Variants in SMYD3 observed in about 807,000 individuals in gnomAD.
SMYD3 encodes the protein histone-lysine N-methyltransferase SMYD3.
Under a neutral mutation model 57.7 loss-of-function variants are expected in SMYD3, and 36 were observed. That is an observed-to-expected ratio of 0.62 (90% CI 0.48 to 0.82). The LOEUF (loss-of-function observed/expected upper bound fraction) is 0.82, where lower values mean the gene tolerates loss of function less well. SMYD3 is among the 40% of genes least tolerant of loss of function. The pLI, the probability that SMYD3 is intolerant of heterozygous loss-of-function variation, is 0.00. For missense variants in SMYD3, 515 were observed against 538.8 expected (o/e 0.96, Z 0.44); for synonymous variants, 211 against 195.0 (o/e 1.08, Z -0.68).
intron 10 of SMYD3, among the ~76,000 whole-genome samples, chr1:245,812,036 G>A (rs1237475540): frequency 6.6e-6 from 1 of 152,146 alleles, no homozygotes; most frequent in Admixed American, 6.5e-5. Context: ...TCCATTTTCA[G>A]GGATATGGAA....
intron 5 of SMYD3, among the ~76,000 whole-genome samples, chr1:246,031,059 G>A (rs930585965): frequency 6.6e-6 from 1 of 152,078 alleles, no homozygotes; most frequent in Non-Finnish European, 1.5e-5. Context: ...CTTATTCCCA[G>A]ACAAACTTAG....
intron 8 of SMYD3, among the ~76,000 whole-genome samples, chr1:245,873,385 C>G (rs1032001291): frequency 1.3e-5 from 2 of 152,216 alleles, no homozygotes; most frequent in African/African-American, 4.8e-5. Context: ...ATACTCACAA[C>G]TCCTACCCAA....
intron 2 of SMYD3, among the ~76,000 whole-genome samples, chr1:246,348,001 T>C (rs568946044): frequency 6.8e-6 from 1 of 147,474 alleles, no homozygotes; most frequent in South Asian, 2.1e-4. Flanking sequence ...CTGTTCACAA[T>C]AGCAAAGACA....
At chr1:246,400,693 C>T (rs552855541) in intron 1 of SMYD3, among the ~76,000 whole-genome samples, 3 of 152,188 alleles carry the variant, frequency 2.0e-5, no homozygotes, top group Non-Finnish European at 4.4e-5. Flanking sequence ...TTGCCCCTTT[C>T]AGGCTACTGT....
At chr1:246,106,504 C>G (rs1428175188) in intron 5 of SMYD3, among the ~76,000 whole-genome samples, 1 of 152,180 alleles carries the variant, frequency 6.6e-6, no homozygotes, top group African/African-American at 2.4e-5. Flanking sequence ...TATCTGCCAA[C>G]TGAACAAATG....
chr1:246,166,020 T>C (rs1036374441), intron 5 of SMYD3, among the ~76,000 whole-genome samples: 3 of 151,984 alleles, frequency 2.0e-5, no homozygotes, highest in African/African-American at 7.3e-5. Flanking sequence ...ACAAGGGTCA[T>C]CCTCGGTGAC....
In SMYD3 at chr1:245,876,782, C is replaced by T. The variant is rs114254430; in HGVS notation, c.814-12896G>A. Reference sequence around the variant, plus strand: ...CTTACATTCCAGTGGTTGAAACGGCCAAACAAATGTATCATTTCTAAATAC... The same window carrying T: ...CTTACATTCCAGTGGTTGAAACGGCTAAACAAATGTATCATTTCTAAATAC... On this transcript the variant is annotated intron_variant, in intron 8 of 11. Coordinates refer to ENST00000490107, the MANE Select transcript of SMYD3 (RefSeq NM_001167740.2). Among the ~76,000 whole-genome samples the T allele has an allele frequency of 5.8e-3, 888 of 152,264 alleles. 10 individuals carry two copies. Among genetic ancestry groups the T allele is most frequent in the African/African-American group, 0.02 (835 of 41,542 alleles).
chr1:246,379,844 A>G (rs1304470365), intron 1 of SMYD3, among the ~76,000 whole-genome samples: 1 of 152,116 alleles, frequency 6.6e-6, no homozygotes, highest in Admixed American at 6.5e-5. Context: ...CACTGAAAAT[A>G]CAAAAATTAG....
intron 5 of SMYD3, among the ~76,000 whole-genome samples, chr1:246,083,647 T>C (rs2060680064): frequency 6.6e-6 from 1 of 152,216 alleles, no homozygotes; most frequent in Non-Finnish European, 1.5e-5. Context: ...GTTTTGTCTG[T>C]GCAGCAGACA....
chr1:245,958,083 G>A (rs966352823), intron 5 of SMYD3, among the ~76,000 whole-genome samples: 2 of 152,122 alleles, frequency 1.3e-5, no homozygotes, highest in Non-Finnish European at 2.9e-5. Flanking sequence ...CACTTTATGA[G>A]GTGCCTGTCT....
chr1:246,093,424 T>C (rs2060855904), intron 5 of SMYD3, among the ~76,000 whole-genome samples: 1 of 152,174 alleles, frequency 6.6e-6, no homozygotes, highest in Non-Finnish European at 1.5e-5. Flanking sequence ...TGTGGTGGAA[T>C]ATTACTCAGC....
At position 245,945,392 on chromosome 1, in the gene SMYD3, T is replaced by C. The variant is rs562931219; in HGVS notation, c.532-15455A>G. Among the ~76,000 whole-genome samples the C allele has an allele frequency of 1.9e-3, 287 of 152,188 alleles. 2 individuals carry two copies. Among genetic ancestry groups the C allele is most frequent in the African/African-American group, 6.6e-3 (274 of 41,522 alleles). ...AACATGAAAAAAAGCTCAACATCAC[T>C]GATCAGAGAAATGCAAATCAAAGCC... On this transcript the variant is annotated intron_variant, in intron 5 of 11. Transcript: ENST00000490107.
At chr1:245,935,061 G>T (rs2056923048) in intron 5 of SMYD3, among the ~76,000 whole-genome samples, 2 of 152,164 alleles carry the variant, frequency 1.3e-5, no homozygotes, top group East Asian at 3.9e-4. Flanking sequence ...AGACAAATGG[G>T]GTTGCATCAA....
Position 246,202,201 on chromosome 1 carries a change from A to G in SMYD3, c.531+125000T>C, listed in dbSNP as rs1203992792. On this transcript the variant is annotated intron_variant, in intron 5 of 11. Transcript: ENST00000490107. This position sits in a 1 kb window ranked among gnomAD's most constrained non-coding sequence, Gnocchi z 4.1. ...TACTTTTATGATTTGAAATATTTTT[A>G]ATTTAAAAAAACAGTGACATATACA... Among the ~76,000 whole-genome samples the G allele has an allele frequency of 6.6e-6, 1 of 152,146 alleles. No individual in the cohort carries two copies. The highest frequency in any genetic ancestry group is 1.5e-5 in the Non-Finnish European group (1 of 68,030).
intron 5 of SMYD3, among the ~76,000 whole-genome samples, chr1:246,010,997 T>C (rs1236189454): frequency 6.6e-6 from 1 of 152,210 alleles, no homozygotes; most frequent in Non-Finnish European, 1.5e-5. Flanking sequence ...GCTGAAGACG[T>C]CATCTTGTCC....
chr1:245,751,661 G>T (rs1361002855), intron 11 of SMYD3, among the ~76,000 whole-genome samples: 1 of 152,242 alleles, frequency 6.6e-6, no homozygotes, highest in East Asian at 1.9e-4. Context: ...TCAGACCCTG[G>T]CCTCTCAGCC....
At chr1:245,928,628 C>T (rs901784073) in intron 6 of SMYD3, among the ~76,000 whole-genome samples, 5 of 151,876 alleles carry the variant, frequency 3.3e-5, no homozygotes, top group Non-Finnish European at 7.4e-5. Flanking sequence ...GAGCCGAGAT[C>T]GCACCACTGC....
intron 5 of SMYD3, among the ~76,000 whole-genome samples, chr1:246,147,853 C>T (rs1327843210): frequency 2.6e-5 from 4 of 152,064 alleles, no homozygotes; most frequent in African/African-American, 7.2e-5. Flanking sequence ...GCGTGAACTC[C>T]GCAGGTGCAG....
intron 5 of SMYD3, among the ~76,000 whole-genome samples, chr1:246,228,211 C>T (rs1396594825): frequency 2.9e-4 from 44 of 152,090 alleles, no homozygotes; most frequent in Admixed American, 2.9e-3. Flanking sequence ...CTTGAGTGAT[C>T]CACCTGCCTC....
Sources: allele counts gnomAD v4.1 joint callset (sites outside exome capture counted in the v4.1 genomes callset), GRCh38; gene constraint gnomAD v4.1.1; non-coding constraint Gnocchi (gnomAD v3.1); transcripts MANE v1.5; gene names NCBI Gene and HGNC (gene_info 2026-07-23, HGNC 2026-07-21).